The following CAMKMT variants were observed in gnomAD, a reference collection of about 807,000 sequenced individuals.
The protein encoded by CAMKMT is CaM KMT.
CAMKMT carries 53 observed loss-of-function variants against 48.0 expected under a neutral mutation model. That is an observed-to-expected ratio of 1.10 (90% CI 0.89 to 1.39). CAMKMT has a LOEUF of 1.39. Among genes scored for constraint, CAMKMT ranks in the 40% most tolerant of loss-of-function variants. CAMKMT has a pLI of 0.00. For synonymous variants in CAMKMT, 165 were observed against 152.3 expected (o/e 1.08, Z -0.61); for missense variants, 428 against 402.7 (o/e 1.06, Z -0.54).
intron 3 of CAMKMT, among the ~76,000 whole-genome samples, chr2:44,688,753 A>G (rs1676475500): frequency 1.3e-5 from 2 of 152,152 alleles, no homozygotes; most frequent in Non-Finnish European, 2.9e-5. Context: ...TCAAGACCTA[A>G]GAGAGGAAAC....
chr2:44,525,337 C>T (rs1671349253), intron 3 of CAMKMT, among the ~76,000 whole-genome samples: 1 of 151,982 alleles, frequency 6.6e-6, no homozygotes, highest in Non-Finnish European at 1.5e-5. Context: ...CTCACTGCAA[C>T]CTCTGCCTCC....
Position 44,581,376 on chromosome 2 carries a change from G to A in CAMKMT, c.377-122907G>A, listed in dbSNP as rs192032774. On this transcript the variant is annotated intron_variant, in intron 3 of 10. Coordinates refer to ENST00000378494, the MANE Select transcript of CAMKMT (RefSeq NM_024766.5). ...AAATGGGCTAAGATCACATGTCAAT[G>A]AGCAGTAGAGCTTGGAATTAAATCT... Among the ~76,000 whole-genome samples, 427 of 152,264 alleles carry A rather than the reference G, an allele frequency of 2.8e-3. 1 individual carries two copies. Among genetic ancestry groups the A allele is most frequent in the African/African-American group, 7.7e-3 (321 of 41,564 alleles).
chr2:44,566,535 C>A (rs1298581343), intron 3 of CAMKMT, among the ~76,000 whole-genome samples: 1 of 152,092 alleles, frequency 6.6e-6, no homozygotes, highest in East Asian at 1.9e-4. Flanking sequence ...AGGGGCTGTC[C>A]TAAAGGCCTG....
At chr2:44,601,984 AG>A (rs1209201943) in intron 3 of CAMKMT, among the ~76,000 whole-genome samples, 1 of 151,904 alleles carries the variant, frequency 6.6e-6, no homozygotes, top group African/African-American at 2.4e-5. Context: ...GCTATATTGT[AG>A]TCTGCTTTTT....
At chr2:44,482,989 G>C (rs758658059) in intron 3 of CAMKMT, among the ~76,000 whole-genome samples, 2 of 152,126 alleles carry the variant, frequency 1.3e-5, no homozygotes, top group Non-Finnish European at 2.9e-5. Flanking sequence ...GTATTACAAA[G>C]AATCATGATG....
At chr2:44,462,538 C>CT (rs1401640499) in intron 3 of CAMKMT, among the ~76,000 whole-genome samples, 1 of 151,654 alleles carries the variant, frequency 6.6e-6, no homozygotes, top group Non-Finnish European at 1.5e-5. Flanking sequence ...ATCTAAATTC[C>CT]TTTTTTTGCT....
At chr2:44,528,909 C>T (rs147076766) in intron 3 of CAMKMT, among the ~76,000 whole-genome samples, 8 of 150,256 alleles carry the variant, frequency 5.3e-5, no homozygotes, top group Non-Finnish European at 1.1e-4. Flanking sequence ...ATTGATGGTA[C>T]ACTGCATTTT....
At chr2:44,409,135 A>C (rs12989721) in intron 3 of CAMKMT, among the ~76,000 whole-genome samples, 1 of 5,978 alleles carries the variant, frequency 1.7e-4, no homozygotes. Flanking sequence ...ATATATATAT[A>C]TATATATATA....
intron 3 of CAMKMT, among the ~76,000 whole-genome samples, chr2:44,661,701 C>T (rs1274547001): frequency 6.6e-6 from 1 of 152,168 alleles, no homozygotes; most frequent in East Asian, 1.9e-4. Context: ...CAATCTTAAA[C>T]TATCAAGCAC....
At chr2:44,604,315 A>C (rs1671160081) in intron 3 of CAMKMT, among the ~76,000 whole-genome samples, 1 of 152,166 alleles carries the variant, frequency 6.6e-6, no homozygotes, top group African/African-American at 2.4e-5. Flanking sequence ...ATATTTCCCT[A>C]CTGAGTTCAT....
intron 3 of CAMKMT, among the ~76,000 whole-genome samples, chr2:44,608,182 C>T (rs1451124998): frequency 6.7e-6 from 1 of 150,274 alleles, no homozygotes; most frequent in Non-Finnish European, 1.5e-5. Context: ...ACGCCATTCT[C>T]CTGCCTCAGC....
rs778835904 is a variant in CAMKMT at position 44,526,713 on chromosome 2, A to AT, written c.376+136416dup. On this transcript the variant is annotated intron_variant, in intron 3 of 10. Coordinates refer to ENST00000378494, the MANE Select transcript of CAMKMT (RefSeq NM_024766.5). ...ATGCCCACCTACACTGGCAAGGGCGATTTTTTTTACAGTCTACTGATTCAA... is the reference window on the plus strand; with the variant it reads ...ATGCCCACCTACACTGGCAAGGGCGATTTTTTTTTACAGTCTACTGATTCAA... 4.6e-5 allele frequency among the ~76,000 whole-genome samples: 7 copies of AT among 152,058 alleles called. No individual in the cohort carries two copies. The East Asian group carries it at 5.8e-4, about 13-fold the overall frequency.
intron 3 of CAMKMT, among the ~76,000 whole-genome samples, chr2:44,489,247 T>C (rs1191051188): frequency 7.9e-6 from 1 of 126,074 alleles, no homozygotes; most frequent in Non-Finnish European, 1.7e-5. Flanking sequence ...AATACTATTT[T>C]TTTTTTTTTT....
At chr2:44,743,341 C>T (rs189078863) in intron 7 of CAMKMT, among the ~76,000 whole-genome samples, 36 of 152,098 alleles carry the variant, frequency 2.4e-4, no homozygotes, top group East Asian at 1.2e-3. Flanking sequence ...ATAATGACTA[C>T]GGTAAAGATA....
At chr2:44,730,984 A>C (rs1679049795) in intron 7 of CAMKMT, among the ~76,000 whole-genome samples, 1 of 152,196 alleles carries the variant, frequency 6.6e-6, no homozygotes, top group African/African-American at 2.4e-5. Context: ...CATGATCAAG[A>C]ATTCTATCAG....
At chr2:44,516,739 AT>A (rs749089273) in intron 3 of CAMKMT, among the ~76,000 whole-genome samples, 353 of 133,096 alleles carry the variant, frequency 2.7e-3, no homozygotes, top group African/African-American at 6.6e-3. Context: ...GTTTCTTGAG[AT>A]TTTTTTTTTT....
chr2:44,654,842 C>T (rs1376326483), intron 3 of CAMKMT, among the ~76,000 whole-genome samples: 1 of 152,158 alleles, frequency 6.6e-6, no homozygotes, highest in East Asian at 1.9e-4. Flanking sequence ...CAACTTTTTT[C>T]ATGTCTTAGG....
At chr2:44,584,976 A>G (rs1043336055) in intron 3 of CAMKMT, among the ~76,000 whole-genome samples, 1 of 151,440 alleles carries the variant, frequency 6.6e-6, no homozygotes, top group Non-Finnish European at 1.5e-5. Context: ...AATGACATGA[A>G]CCCACGAGGC....
At chr2:44,749,151 T>A (rs1680045179) in intron 8 of CAMKMT, among the ~76,000 whole-genome samples, 1 of 152,194 alleles carries the variant, frequency 6.6e-6, no homozygotes, top group South Asian at 2.1e-4. Context: ...TTCCCATTGC[T>A]CAAAGTGACC....
Sources: gnomAD v4.1 joint callset for allele counts (sites outside exome capture counted in the v4.1 genomes callset) on GRCh38, gnomAD v4.1.1 for gene constraint, MANE v1.5 for transcripts, NCBI Gene and HGNC (gene_info 2026-07-23, HGNC 2026-07-21) for gene names.